SPECC1: variants seen among roughly 807,000 people sequenced by gnomAD.
SPECC1 encodes sperm antigen with calponin homology and coiled-coil domains 1.
SPECC1 carries 62 observed loss-of-function variants against 104.1 expected under a neutral mutation model. That is an observed-to-expected ratio of 0.60 (90% CI 0.49 to 0.74). The LOEUF (loss-of-function observed/expected upper bound fraction) is 0.74, where lower values mean the gene tolerates loss of function less well. Ranked by LOEUF, SPECC1 falls within the 30% of genes least tolerant of loss-of-function variation. The pLI, the probability that SPECC1 is intolerant of heterozygous loss-of-function variation, is 0.00. For synonymous variants in SPECC1, 513 were observed against 501.6 expected (o/e 1.02, Z -0.30); for missense variants, 1,306 against 1,310.5 (o/e 1.00, Z 0.05).
chr17:20,292,320 G>T (rs1017342169), intron 12 of SPECC1, among the ~76,000 whole-genome samples: 1 of 151,568 alleles, frequency 6.6e-6, no homozygotes, highest in East Asian at 2.0e-4. Context: ...CCCCACCACC[G>T]CCTGTTTTTT....
chr17:20,228,604 G>A (rs2038381706), intron 5 of SPECC1, among the ~76,000 whole-genome samples: 1 of 152,226 alleles, frequency 6.6e-6, no homozygotes, highest in Non-Finnish European at 1.5e-5. Context: ...ATAGGTATCA[G>A]AGTGGATGAA....
intron 1 of SPECC1, among the ~76,000 whole-genome samples, chr17:20,086,185 G>A (rs1197421537): frequency 6.6e-6 from 1 of 152,214 alleles, no homozygotes; most frequent in African/African-American, 2.4e-5. Flanking sequence ...GTGGCTGTGA[G>A]GTGCCATAGT....
chr17:20,240,374 A>G (rs2039147731), intron 7 of SPECC1, among the ~76,000 whole-genome samples: 1 of 151,900 alleles, frequency 6.6e-6, no homozygotes, highest in Admixed American at 6.6e-5. Context: ...TGTATCCCCT[A>G]TATTATGAGC....
intron 7 of SPECC1, among the ~76,000 whole-genome samples, chr17:20,241,345 G>A (rs2039192131): frequency 6.6e-6 from 1 of 152,076 alleles, no homozygotes; most frequent in Non-Finnish European, 1.5e-5. Flanking sequence ...TATGCCTAGG[G>A]TAAACCAACC....
chr17:20,232,494 C>G (rs1331142023), intron 7 of SPECC1, 89 bp downstream of exon 7: 24 of 1,394,486 alleles, frequency 1.7e-5, no homozygotes, highest in Non-Finnish European at 3.9e-6. Context: ...CATGTCTGTG[C>G]CAGGTTCTGC....
chr17:20,069,693 T>A (rs942065489), intron 1 of SPECC1, among the ~76,000 whole-genome samples: 1 of 152,228 alleles, frequency 6.6e-6, no homozygotes, highest in African/African-American at 2.4e-5. Flanking sequence ...TTGGTCTATA[T>A]GACTGTCTTA....
chr17:20,092,697 G>A (rs1399122088), intron 1 of SPECC1, among the ~76,000 whole-genome samples: 2 of 152,146 alleles, frequency 1.3e-5, no homozygotes, highest in Non-Finnish European at 2.9e-5. Flanking sequence ...TCGAGAGGGC[G>A]GCTCATAGTT....
At chr17:20,022,206 G>A (rs1337789140) in intron 1 of SPECC1, among the ~76,000 whole-genome samples, 1 of 152,124 alleles carries the variant, frequency 6.6e-6, no homozygotes, top group African/African-American at 2.4e-5. Flanking sequence ...CTCCCAAAGT[G>A]CTGGGATTAC....
At chr17:20,266,207 C>T (rs1267749051) in intron 12 of SPECC1, among the ~76,000 whole-genome samples, 4 of 152,196 alleles carry the variant, frequency 2.6e-5, no homozygotes, top group African/African-American at 7.2e-5. Flanking sequence ...AATCCATGAG[C>T]ATGGAATGTT....
intron 1 of SPECC1, among the ~76,000 whole-genome samples, chr17:20,061,925 T>G (rs149670444): frequency 0.011 from 1,632 of 152,296 alleles, 11 homozygotes; most frequent in Non-Finnish European, 0.015. Flanking sequence ...TTACCTATTA[T>G]GTTTCAGATC....
At chr17:20,150,875 A>G (rs942873971) in intron 3 of SPECC1, among the ~76,000 whole-genome samples, 7 of 152,130 alleles carry the variant, frequency 4.6e-5, no homozygotes, top group African/African-American at 1.7e-4. Context: ...TGCTATATAC[A>G]TGTCAAAATT....
chr17:20,276,347 T>G (rs2151651067), intron 12 of SPECC1, among the ~76,000 whole-genome samples: 1 of 152,354 alleles, frequency 6.6e-6, no homozygotes, highest in South Asian at 2.1e-4. Context: ...TTTGAACTCC[T>G]GGGCTGAAGA....
intron 3 of SPECC1, chr17:20,112,267 T>A (rs2048530631): frequency 5.2e-6 from 4 of 762,458 alleles, no homozygotes; most frequent in Non-Finnish European, 9.8e-6. Context: ...GAACCCATTT[T>A]GAACTACTTG....
chr17:20,053,089 C>T (rs904507748), intron 1 of SPECC1, among the ~76,000 whole-genome samples: 2 of 152,136 alleles, frequency 1.3e-5, no homozygotes, highest in Admixed American at 6.5e-5. Flanking sequence ...TTTTACCTCT[C>T]CCTGTCTACT....
At chr17:20,049,626 A>C (rs1485388224) in intron 1 of SPECC1, among the ~76,000 whole-genome samples, 1 of 152,046 alleles carries the variant, frequency 6.6e-6, no homozygotes, top group African/African-American at 2.4e-5. Context: ...TCATTCAGCT[A>C]TGATTATTTA....
intron 2 of SPECC1, among the ~76,000 whole-genome samples, chr17:20,104,382 TA>T (rs113076203): frequency 0.024 from 3,704 of 152,190 alleles, 152 homozygotes; most frequent in African/African-American, 0.083. Flanking sequence ...TCTTTAAGCC[TA>T]ATAAGCATAT....
At chr17:20,055,784 C>T (rs1424168962) in intron 1 of SPECC1, among the ~76,000 whole-genome samples, 2 of 152,230 alleles carry the variant, frequency 1.3e-5, no homozygotes, top group African/African-American at 2.4e-5. Context: ...TGGTGCCATC[C>T]ATTTCTCTGT....
chr17:20,147,218 T>C (rs2031558788), intron 3 of SPECC1, among the ~76,000 whole-genome samples: 1 of 151,922 alleles, frequency 6.6e-6, no homozygotes, highest in Admixed American at 6.6e-5. Context: ...ATTACAGATA[T>C]GCACCACCAT....
chr17:20,059,356 G>T (rs1399286935), intron 1 of SPECC1, among the ~76,000 whole-genome samples: 1 of 151,918 alleles, frequency 6.6e-6, no homozygotes, highest in Non-Finnish European at 1.5e-5. Flanking sequence ...TTCACAATAG[G>T]GTTCATGGTC....
Sources: gnomAD v4.1 joint callset for allele counts (sites outside exome capture counted in the v4.1 genomes callset) on GRCh38, gnomAD v4.1.1 for gene constraint, MANE v1.5 for transcripts, NCBI Gene and HGNC (gene_info 2026-07-23, HGNC 2026-07-21) for gene names.